SERBP1: variants seen among roughly 807,000 people sequenced by gnomAD.
The protein encoded by SERBP1 is SERPINE1 mRNA-binding protein 1.
A neutral mutation model predicts 50.2 loss-of-function variants in SERBP1; 6 were observed. The observed-to-expected ratio is 0.12, with a 90% CI of 0.07 to 0.24. The LOEUF (loss-of-function observed/expected upper bound fraction) is 0.24, where lower values mean the gene tolerates loss of function less well. SERBP1 is among the 10% of genes least tolerant of loss of function. The pLI is 1.00. For synonymous variants in SERBP1, 168 were observed against 182.8 expected (o/e 0.92, Z 0.65); for missense variants, 346 against 524.9 (o/e 0.66, Z 3.33).
intron 1 of SERBP1, among the ~76,000 whole-genome samples, chr1:67,428,598 G>C (rs565665533): frequency 1.3e-5 from 2 of 152,030 alleles, no homozygotes; most frequent in Non-Finnish European, 2.9e-5. Flanking sequence ...GAGATACTTG[G>C]CCTAAGTGAT....
intron 1 of SERBP1, 98 bp downstream of exon 1, chr1:67,429,890 C>A: frequency 7.5e-7 from 1 of 1,329,574 alleles, no homozygotes; most frequent in East Asian, 2.4e-5. Flanking sequence ...GGCAAAGTCT[C>A]CCGCGGACCC....
chr1:67,408,534 A>T lies in SERBP1; in HGVS notation c.*4673T>A, dbSNP rs1570269535. ...TAGTACAGAAGTAATCAACAGCACA[A>T]AAGCTAAATTCTGTCCAAATGGGAA... On this transcript the variant is annotated 3_prime_UTR_variant, in exon 8 of 8. Coordinates refer to ENST00000361219, the MANE Select transcript of SERBP1 (RefSeq NM_001018069.2). 1 of 151,722 alleles carries T rather than the reference A, an allele frequency of 6.6e-6. No individual in the cohort carries two copies. Among genetic ancestry groups the T allele is most frequent in the Non-Finnish European group, 1.5e-5 (1 of 67,952 alleles). The allele number at this position is 151,722 out of a possible 1,614,324, so 9.4% of individuals were successfully genotyped here. A position where few individuals can be genotyped will look rare whatever the true frequency, so the allele number is the denominator to read the frequency against.
intron 7 of SERBP1, among the ~76,000 whole-genome samples, chr1:67,414,373 A>G (rs1666936826): frequency 6.6e-6 from 1 of 152,184 alleles, no homozygotes; most frequent in Non-Finnish European, 1.5e-5. Context: ...CCTTAAAAAA[A>G]AAAGGTTGGT....
rs1666854037 is a variant in SERBP1 at position 67,411,819 on chromosome 1, ACT to A, written c.*1386_*1387del. The A allele has an allele frequency of 6.6e-6, 1 of 152,190 alleles. No individual in the cohort carries two copies. The highest frequency in any genetic ancestry group is 1.5e-5 in the Non-Finnish European group (1 of 68,024). The allele number at this position is 152,190 out of a possible 1,614,324, so 9.4% of individuals were successfully genotyped here. A position where few individuals can be genotyped will look rare whatever the true frequency, so the allele number is the denominator to read the frequency against. On this transcript the variant is annotated 3_prime_UTR_variant, in exon 8 of 8. Coordinates refer to ENST00000361219, the MANE Select transcript of SERBP1 (RefSeq NM_001018069.2). ...TTAAAAATTTTTTAAAAATTCCTTC[ACT>A]GTTTATCAATAAATGTGGCAGAATA...
intron 7 of SERBP1, 61 bp from the exon 8 acceptor site, chr1:67,413,324 T>C: frequency 7.1e-7 from 1 of 1,402,054 alleles, no homozygotes; most frequent in Non-Finnish European, 9.6e-7. Context: ...CATTGTTAGC[T>C]AGTGTCTACA....
At chr1:67,425,860 G>A (rs543473642) in intron 2 of SERBP1, among the ~76,000 whole-genome samples, 21 of 152,278 alleles carry the variant, frequency 1.4e-4, no homozygotes, top group African/African-American at 5.1e-4. Context: ...AGACTTCTTT[G>A]GTTTACGCCT....
rs1360412176 is a variant in SERBP1 at position 67,410,475 on chromosome 1, GAACT to G, written c.*2728_*2731del. ...TTTATTTAAAAAAATAAGAGTAAAGGAACTAACTAGATGTATATGGTGCCAATTT... is the reference window on the plus strand; with the variant it reads ...TTTATTTAAAAAAATAAGAGTAAAGGAACTAGATGTATATGGTGCCAATTT... On this transcript the variant is annotated 3_prime_UTR_variant, in exon 8 of 8. Transcript: ENST00000361219. 6.6e-6 allele frequency: 1 copy of G among 151,908 alleles called. No individual in the cohort carries two copies. Among genetic ancestry groups the G allele is most frequent in the Non-Finnish European group, 1.5e-5 (1 of 67,964 alleles). The allele number at this position is 151,908 out of a possible 1,614,324, so 9.4% of individuals were successfully genotyped here. A position where few individuals can be genotyped will look rare whatever the true frequency, so the allele number is the denominator to read the frequency against.
chr1:67,418,506 C>T (rs2100422151), intron 6 of SERBP1, among the ~76,000 whole-genome samples: 1 of 152,110 alleles, frequency 6.6e-6, no homozygotes, highest in South Asian at 2.1e-4. Flanking sequence ...GCCTATAATC[C>T]CAGCACTTTG....
At chr1:67,416,212 A>G (rs1667006960) in intron 6 of SERBP1, among the ~76,000 whole-genome samples, 1 of 152,248 alleles carries the variant, frequency 6.6e-6, no homozygotes, top group South Asian at 2.1e-4. Flanking sequence ...AGGTTTTCAC[A>G]GTGTTGCTCA....
Position 67,412,616 on chromosome 1 carries a change from A to G in SERBP1, c.*591T>C, listed in dbSNP as rs1484535169. ...TATAAAGATTTAGCATATATATATAACAGCTATCATGAGAAGTGAAAAAAG... is the reference window on the plus strand; with the variant it reads ...TATAAAGATTTAGCATATATATATAGCAGCTATCATGAGAAGTGAAAAAAG... On this transcript the variant is annotated 3_prime_UTR_variant, in exon 8 of 8. Transcript: ENST00000361219. 1.3e-5 allele frequency: 2 copies of G among 152,734 alleles called. No homozygotes were observed. The highest frequency in any genetic ancestry group is 4.8e-5 in the African/African-American group (2 of 41,452). 9.5% of individuals were successfully genotyped at this position (152,734 alleles called of 1,614,324 possible).
At chr1:67,419,917 C>A in intron 6 of SERBP1, 92 bp downstream of exon 6, 1 of 1,136,656 alleles carries the variant, frequency 8.8e-7, no homozygotes, top group South Asian at 1.4e-5. Flanking sequence ...CTTTAACAGA[C>A]AAATAACCCA....
intron 5 of SERBP1, chr1:67,420,621 G>C (rs1667169503): frequency 1.3e-5 from 2 of 153,114 alleles, no homozygotes; most frequent in Admixed American, 6.5e-5. Flanking sequence ...AATCCTCTAG[G>C]ATGTCTGTCA....
chr1:67,414,553 T>C (rs1369353990), intron 7 of SERBP1, among the ~76,000 whole-genome samples: 1 of 152,218 alleles, frequency 6.6e-6, no homozygotes, highest in Non-Finnish European at 1.5e-5. Flanking sequence ...TTCAAATCTA[T>C]CAATTACTTG....
intron 2 of SERBP1, among the ~76,000 whole-genome samples, chr1:67,425,739 G>A (rs1027645546): frequency 6.6e-6 from 1 of 152,184 alleles, no homozygotes; most frequent in Non-Finnish European, 1.5e-5. Flanking sequence ...CACACATACA[G>A]ATGTTTCTGT....
chr1:67,424,413 C>G, intron 4 of SERBP1, 136 bp from the exon 5 acceptor site: 1 of 1,131,454 alleles, frequency 8.8e-7, no homozygotes, highest in Non-Finnish European at 1.2e-6. Flanking sequence ...CTCTCACATT[C>G]TCTAACTCCT....
intron 1 of SERBP1, among the ~76,000 whole-genome samples, chr1:67,429,082 A>T (rs1446173585): frequency 6.6e-6 from 1 of 152,116 alleles, no homozygotes; most frequent in East Asian, 1.9e-4. Context: ...ACCGCCAGTG[A>T]AACTCTGACC....
chr1:67,430,392 G>C lies in SERBP1; in HGVS notation c.-92C>G, dbSNP rs1283365453. The stretch of plus-strand genomic sequence containing the variant: ...TTCAGCTCTTCCCACAAGATGGCCG[G>C]GCCGAGAGAGGGGGGCCGTCTTCTC... On this transcript the variant is annotated 5_prime_UTR_variant, in exon 1 of 8. Transcript: ENST00000361219. The C allele has an allele frequency of 7.5e-7, 1 of 1,335,014 alleles. No homozygotes were observed. Among genetic ancestry groups the C allele is most frequent in the Non-Finnish European group, 1.0e-6 (1 of 985,052 alleles). 82.7% of individuals were successfully genotyped at this position (1,335,014 alleles called of 1,614,324 possible). A position where few individuals can be genotyped will look rare whatever the true frequency, so the allele number is the denominator to read the frequency against.
Position 67,430,371 on chromosome 1 carries a change from G to C in SERBP1, c.-71C>G, listed in dbSNP as rs1410416165. The C allele has an allele frequency of 2.1e-4, 305 of 1,445,600 alleles. 4 individuals are homozygous for C. Among genetic ancestry groups the C allele is most frequent in the East Asian group, 1.5e-4 (6 of 41,204 alleles). 89.5% of individuals were successfully genotyped at this position (1,445,600 alleles called of 1,614,324 possible). The stretch of plus-strand genomic sequence containing the variant: ...CGCCGAGCCAAGAGCGCCTGCTTCA[G>C]CTCTTCCCACAAGATGGCCGGGCCG... On this transcript the variant is annotated 5_prime_UTR_variant, in exon 1 of 8. Coordinates refer to ENST00000361219, the MANE Select transcript of SERBP1 (RefSeq NM_001018069.2).
At chr1:67,416,262 C>T (rs1236311328) in intron 6 of SERBP1, among the ~76,000 whole-genome samples, 3 of 152,230 alleles carry the variant, frequency 2.0e-5, no homozygotes, top group Admixed American at 2.0e-4. Flanking sequence ...ATCCGCTGGC[C>T]TTGGCCTTCC....
Sources: gnomAD v4.1 joint callset for allele counts (sites outside exome capture counted in the v4.1 genomes callset) on GRCh38, gnomAD v4.1.1 for gene constraint, MANE v1.5 for transcripts, NCBI Gene and HGNC (gene_info 2026-07-23, HGNC 2026-07-21) for gene names.